Variants in LYPD6B observed in about 807,000 individuals in gnomAD.
LYPD6B encodes ly6/PLAUR domain-containing protein 6B.
A neutral mutation model predicts 22.8 loss-of-function variants in LYPD6B; 17 were observed. The observed-to-expected ratio is 0.75, with a 90% CI of 0.51 to 1.12. The LOEUF is 1.12. Ranked by LOEUF, LYPD6B falls within the 50% of genes most tolerant of loss-of-function variation. LYPD6B has a pLI of 0.00. For missense variants in LYPD6B, 221 were observed against 258.3 expected (o/e 0.86, Z 0.99); for synonymous variants, 106 against 91.6 (o/e 1.16, Z -0.90).
intron 3 of LYPD6B, 122 bp downstream of exon 3, chr2:149,160,957 GC>G: frequency 1.3e-6 from 1 of 744,644 alleles, no homozygotes; most frequent in Non-Finnish European, 2.3e-6. Context: ...TTGGCAGTTT[GC>G]CAGGTTTCCC....
chr2:149,198,927 A>G (rs1692993099), intron 3 of LYPD6B, among the ~76,000 whole-genome samples: 1 of 152,208 alleles, frequency 6.6e-6, no homozygotes, highest in African/African-American at 2.4e-5. Flanking sequence ...GGACCTTGGC[A>G]GTCATTCATT....
At chr2:149,119,950 A>G (rs1687202054) in intron 1 of LYPD6B, among the ~76,000 whole-genome samples, 1 of 151,980 alleles carries the variant, frequency 6.6e-6, no homozygotes, top group Non-Finnish European at 1.5e-5. Flanking sequence ...AAAATTTTGC[A>G]CTCCTGTTAG....
At chr2:149,068,806 G>T (rs1271819555) in intron 1 of LYPD6B, 1 of 456,608 alleles carries the variant, frequency 2.2e-6, no homozygotes, top group Non-Finnish European at 4.5e-6. Context: ...CGATCATTTT[G>T]CAAGGCCCAC....
rs565697417 is a variant in LYPD6B at position 149,153,885 on chromosome 2, C to A, written c.6-6879C>A. Among the ~76,000 whole-genome samples the A allele has an allele frequency of 3.9e-5, 6 of 152,156 alleles. No homozygotes were observed. The South Asian group carries it at 1.2e-3, about 32-fold the overall frequency. The stretch of plus-strand genomic sequence containing the variant: ...GGAAAAGAGAGGACAGACATGATAA[C>A]TTTTGCAGGGCACAGCTGATGCACT... On this transcript the variant is annotated intron_variant, in intron 2 of 6. Transcript: ENST00000409642.
chr2:149,175,367 A>C (rs561686574), intron 3 of LYPD6B, among the ~76,000 whole-genome samples: 1 of 152,168 alleles, frequency 6.6e-6, no homozygotes, highest in Non-Finnish European at 1.5e-5. Flanking sequence ...TGTATGAAAG[A>C]TAAAAAATGG....
intron 1 of LYPD6B, among the ~76,000 whole-genome samples, chr2:149,061,972 CTTT>C (rs780959897): frequency 7.0e-6 from 1 of 142,692 alleles, no homozygotes; most frequent in African/African-American, 2.6e-5. Flanking sequence ...ATCGTAGAAT[CTTT>C]TTTTTTTTTT....
intron 3 of LYPD6B, among the ~76,000 whole-genome samples, chr2:149,198,957 A>C (rs1194725583): frequency 6.6e-6 from 1 of 152,202 alleles, no homozygotes; most frequent in Admixed American, 6.5e-5. Context: ...CCTTGGTTGC[A>C]ATAGAGAGAA....
At chr2:149,132,893 TA>T (rs1319839793) in intron 2 of LYPD6B, among the ~76,000 whole-genome samples, 1 of 152,226 alleles carries the variant, frequency 6.6e-6, no homozygotes, top group Non-Finnish European at 1.5e-5. Context: ...TTTACTTATT[TA>T]AAAATTTTTT....
At chr2:149,067,748 C>A (rs1316457344) in intron 1 of LYPD6B, among the ~76,000 whole-genome samples, 1 of 151,942 alleles carries the variant, frequency 6.6e-6, no homozygotes, top group Non-Finnish European at 1.5e-5. Flanking sequence ...CTGGTATAAT[C>A]ATTAATGTCT....
At chr2:149,057,135 C>T (rs1917586) in intron 1 of LYPD6B, among the ~76,000 whole-genome samples, 45,278 of 151,806 alleles carry the variant, frequency 0.3, 7,493 homozygotes, top group Non-Finnish European at 0.37. Context: ...AATTCAGACT[C>T]GTATGACTCA....
intron 1 of LYPD6B, among the ~76,000 whole-genome samples, chr2:149,091,612 A>C (rs963270363): frequency 6.7e-6 from 1 of 150,342 alleles, no homozygotes; most frequent in Non-Finnish European, 1.5e-5. Context: ...TATATTCATC[A>C]TGATTGGCAT....
intron 1 of LYPD6B, among the ~76,000 whole-genome samples, chr2:149,053,605 T>C (rs1683662079): frequency 1.3e-5 from 2 of 152,214 alleles, no homozygotes; most frequent in South Asian, 4.1e-4. Context: ...CCATAAAATG[T>C]ACCTCTTTAA....
At chr2:149,162,853 T>C (rs1454882925) in intron 3 of LYPD6B, among the ~76,000 whole-genome samples, 1 of 152,072 alleles carries the variant, frequency 6.6e-6, no homozygotes, top group Non-Finnish European at 1.5e-5. Flanking sequence ...CTCTATTAAA[T>C]GTGTATGGTT....
At chr2:149,172,072 AC>A (rs1186101610) in intron 3 of LYPD6B, among the ~76,000 whole-genome samples, 1 of 152,178 alleles carries the variant, frequency 6.6e-6, no homozygotes, top group East Asian at 1.9e-4. Flanking sequence ...TAATTGACTC[AC>A]AGTTCAGCAT....
intron 3 of LYPD6B, among the ~76,000 whole-genome samples, chr2:149,180,437 T>C (rs1209305095): frequency 2.0e-5 from 3 of 152,234 alleles, no homozygotes; most frequent in Admixed American, 6.5e-5. Context: ...AGCCCTTTTC[T>C]TAAGGTGGTT....
chr2:149,171,263 A>G (rs772042091), intron 3 of LYPD6B, among the ~76,000 whole-genome samples: 3 of 152,188 alleles, frequency 2.0e-5, no homozygotes, highest in Non-Finnish European at 4.4e-5. Context: ...GTCTTTTATT[A>G]CTGTCCACAA....
At chr2:149,049,356 T>C (rs541864484) in intron 1 of LYPD6B, among the ~76,000 whole-genome samples, 1 of 152,310 alleles carries the variant, frequency 6.6e-6, no homozygotes, top group East Asian at 1.9e-4. Flanking sequence ...TGCATGCACA[T>C]GCACACACAC....
At chr2:149,181,681 C>A (rs769761771) in intron 3 of LYPD6B, among the ~76,000 whole-genome samples, 2 of 152,168 alleles carry the variant, frequency 1.3e-5, no homozygotes, top group Non-Finnish European at 2.9e-5. Flanking sequence ...ATGGATAATT[C>A]CATTTTCCTA....
chr2:149,084,917 T>C (rs980484728), intron 1 of LYPD6B, among the ~76,000 whole-genome samples: 1 of 152,142 alleles, frequency 6.6e-6, no homozygotes, highest in Non-Finnish European at 1.5e-5. Flanking sequence ...AACTGTGATT[T>C]AGTGTTAGTG....
Sources: allele counts gnomAD v4.1 joint callset (sites outside exome capture counted in the v4.1 genomes callset), GRCh38; gene constraint gnomAD v4.1.1; transcripts MANE v1.5; gene names NCBI Gene and HGNC (gene_info 2026-07-23, HGNC 2026-07-21).